SREK1: variants seen among roughly 807,000 people sequenced by gnomAD.
SREK1 encodes splicing regulatory glutamic acid and lysine rich protein 1.
SREK1 carries 13 observed loss-of-function variants against 66.5 expected under a neutral mutation model. That is an observed-to-expected ratio of 0.20 (90% CI 0.13 to 0.31). SREK1 has a LOEUF of 0.31. SREK1 is among the 10% of genes least tolerant of loss of function. SREK1 has a pLI of 1.00. For missense variants in SREK1, 607 were observed against 769.6 expected, an observed-to-expected ratio of 0.79 and a Z score of 2.50; for synonymous variants, 265 against 263.5, an observed-to-expected ratio of 1.01 and a Z score of -0.05.
chr5:66,177,462 AATAG>A (rs1167925818), intron 10 of SREK1, 48 bp from the exon 11 acceptor site: 5 of 1,387,374 alleles, frequency 3.6e-6, no homozygotes, highest in Non-Finnish European at 3.9e-6. Flanking sequence ...TCAAGAATAT[AATAG>A]ATCTTACAAT....
intron 1 of SREK1, 151 bp downstream of exon 1, chr5:66,144,688 G>C (rs550775078): frequency 2.2e-6 from 3 of 1,346,352 alleles, no homozygotes; most frequent in Admixed American, 2.9e-5. Context: ...TAGGGCACCC[G>C]GGTTCCGCCG....
In SREK1 at chr5:66,150,840, A is replaced by C. The variant is rs1041983515; in HGVS notation, c.162-2623A>C. The stretch of plus-strand genomic sequence containing the variant: ...TAACTTCAGATCTTTGTAGTTTGAC[A>C]ATTTTTTTTTTCTTTTTTGAGACAC... On this transcript the variant is annotated intron_variant, in intron 1 of 11. Transcript: ENST00000334121. 6.6e-5 allele frequency among the ~76,000 whole-genome samples: 10 copies of C among 151,942 alleles called. No individual in the cohort carries two copies. In the East Asian group the frequency reaches 1.7e-3, roughly 26 times the overall value.
At position 66,175,028 on chromosome 5, in the gene SREK1, C is replaced by G. The variant is rs755578426; in HGVS notation, c.1567C>G (p.Pro523Ala). 1 of 1,611,588 alleles carries G rather than the reference C, an allele frequency of 6.2e-7. No individual in the cohort carries two copies. The highest frequency in any genetic ancestry group is 8.5e-7 in the Non-Finnish European group (1 of 1,178,696). ...CATAAAAAGGAAATCTTCTAGATCTCCGTCCCCCAGGAGGTAGGTTGGGAG... is the reference window on the plus strand; with the variant it reads ...CATAAAAAGGAAATCTTCTAGATCTGCGTCCCCCAGGAGGTAGGTTGGGAG... ...KTIKRKSSRS[P>A]SPRSRNKKDK... is the part of the protein sequence containing the mutation. The change falls in exon 10 of 12, where the codon CCG (proline) becomes GCG (alanine). Residue 523 changes from proline (P) to alanine (A), a missense_variant. Around this residue, in one of 5 missense-constraint regions of SREK1, gnomAD observed 318 missense variants for 310.3 expected, o/e 1.02. Transcript: ENST00000334121.
Position 66,179,967 on chromosome 5 carries a change from T to TCA in SREK1, c.*1100_*1101dup, listed in dbSNP as rs1452214214. The TCA allele has an allele frequency of 6.6e-6, 1 of 152,572 alleles. No individual in the cohort carries two copies. Among genetic ancestry groups the TCA allele is most frequent in the African/African-American group, 2.4e-5 (1 of 41,448 alleles). The allele number at this position is 152,572 out of a possible 1,614,324, so 9.5% of individuals were successfully genotyped here. ...TTAGAGTCATGCAGCTTTGGGACCA[T>TCA]CAGTTTTATACTGTGATAATTGAAA... On this transcript the variant is annotated 3_prime_UTR_variant, in exon 12 of 12. Coordinates refer to ENST00000334121, the MANE Select transcript of SREK1 (RefSeq NM_001077199.3).
At chr5:66,154,018 G>T (rs1744074922) in intron 2 of SREK1, among the ~76,000 whole-genome samples, 1 of 152,070 alleles carries the variant, frequency 6.6e-6, no homozygotes. Flanking sequence ...GAAAATATTT[G>T]TAATTTATAC....
In SREK1 at chr5:66,159,353, C is replaced by T; in HGVS notation, c.411+19C>T. ...GACTACTGTAAGTACTATAAGCTGG[C>T]TTATGAAAGAGGTGAATGTTCAACT... On this transcript the variant is annotated intron_variant, in intron 3 of 11. Transcript: ENST00000334121. 1.3e-6 allele frequency: 2 copies of T among 1,577,496 alleles called. No homozygotes were observed. Among genetic ancestry groups the T allele is most frequent in the South Asian group, 2.3e-5 (2 of 85,220 alleles).
At chr5:66,177,470 T>C (rs770859100) in intron 10 of SREK1, 44 bp from the exon 11 acceptor site, 1 of 1,443,622 alleles carries the variant, frequency 6.9e-7, no homozygotes, top group South Asian at 1.3e-5. Flanking sequence ...ATAATAGATC[T>C]TACAATTTCT....
intron 9 of SREK1, among the ~76,000 whole-genome samples, chr5:66,172,634 G>T (rs1234670061): frequency 6.6e-6 from 1 of 152,072 alleles, no homozygotes; most frequent in Non-Finnish European, 1.5e-5. Context: ...GGCCTCAAGT[G>T]ATCTGCCCTC....
Position 66,179,340 on chromosome 5 carries a change from A to C in SREK1, c.*472A>C, listed in dbSNP as rs1040237483. 1.3e-5 allele frequency: 2 copies of C among 152,540 alleles called. No homozygotes were observed. 9.4% of individuals were successfully genotyped at this position (152,540 alleles called of 1,614,324 possible). ...GGTGCAAATATATACACACCCTTGT[A>C]AGTGCAAAGTATGTAAGAAGTTTTA... On this transcript the variant is annotated 3_prime_UTR_variant, in exon 12 of 12. Transcript: ENST00000334121.
Position 66,180,384 on chromosome 5 carries a change from G to C in SREK1, c.*1516G>C, listed in dbSNP as rs148786886. 6.6e-6 allele frequency: 1 copy of C among 152,646 alleles called. No individual in the cohort carries two copies. The highest frequency in any genetic ancestry group is 1.5e-5 in the Non-Finnish European group (1 of 67,986). The allele number at this position is 152,646 out of a possible 1,614,324, so 9.5% of individuals were successfully genotyped here. ...CAATCTAATACAATCAGATTACTCA[G>C]TTGCCTTACCTCATGGGAAGAGTTA... On this transcript the variant is annotated 3_prime_UTR_variant, in exon 12 of 12. Transcript: ENST00000334121.
At chr5:66,177,419 T>C (rs1746146743) in intron 10 of SREK1, 95 bp from the exon 11 acceptor site, 3 of 1,046,078 alleles carry the variant, frequency 2.9e-6, no homozygotes, top group Non-Finnish European at 4.0e-6. Flanking sequence ...AATGCATTAT[T>C]TTAGATATCC....
chr5:66,181,032 C>G lies in SREK1; in HGVS notation c.*2164C>G, dbSNP rs1171685302. 6.6e-6 allele frequency: 1 copy of G among 152,170 alleles called. No individual in the cohort carries two copies. The highest frequency in any genetic ancestry group is 6.5e-5 in the Admixed American group (1 of 15,268). 9.4% of individuals were successfully genotyped at this position (152,170 alleles called of 1,614,324 possible). A position where few individuals can be genotyped will look rare whatever the true frequency, so the allele number is the denominator to read the frequency against. ...TAAAGTATGAGTGTTTTCTTGTACT[C>G]TGGACCTATTACATGTTTCTTTATG... On this transcript the variant is annotated 3_prime_UTR_variant, in exon 12 of 12. Coordinates refer to ENST00000334121, the MANE Select transcript of SREK1 (RefSeq NM_001077199.3).
intron 1 of SREK1, among the ~76,000 whole-genome samples, chr5:66,149,587 G>T (rs964758740): frequency 1.3e-5 from 2 of 152,170 alleles, no homozygotes; most frequent in African/African-American, 4.8e-5. Flanking sequence ...TCAACTAGGG[G>T]TATTTGGAAA....
intron 1 of SREK1, among the ~76,000 whole-genome samples, chr5:66,148,139 T>G (rs1371308959): frequency 6.6e-6 from 1 of 152,006 alleles, no homozygotes; most frequent in African/African-American, 2.4e-5. Flanking sequence ...TGTTAGCAAC[T>G]TATAAGTAGT....
chr5:66,160,223 A>G (rs1025862815), intron 3 of SREK1, among the ~76,000 whole-genome samples: 24 of 152,212 alleles, frequency 1.6e-4, no homozygotes, highest in Admixed American at 1.4e-3. Context: ...TTTTTCTTCA[A>G]AAGACAACAT....
rs1746374745 is a variant in SREK1 at position 66,179,955 on chromosome 5, G to A, written c.*1087G>A. 6.6e-6 allele frequency: 1 copy of A among 152,552 alleles called. No individual in the cohort carries two copies. The highest frequency in any genetic ancestry group is 1.5e-5 in the Non-Finnish European group (1 of 67,984). 9.4% of individuals were successfully genotyped at this position (152,552 alleles called of 1,614,324 possible). A position where few individuals can be genotyped will look rare whatever the true frequency, so the allele number is the denominator to read the frequency against. On this transcript the variant is annotated 3_prime_UTR_variant, in exon 12 of 12. Coordinates refer to ENST00000334121, the MANE Select transcript of SREK1 (RefSeq NM_001077199.3). The stretch of plus-strand genomic sequence containing the variant: ...TCAAGAATGACATTAGAGTCATGCA[G>A]CTTTGGGACCATCAGTTTTATACTG...
intron 3 of SREK1, among the ~76,000 whole-genome samples, chr5:66,159,888 T>C (rs1199360045): frequency 1.3e-5 from 2 of 152,170 alleles, no homozygotes; most frequent in African/African-American, 4.8e-5. Context: ...CCCAGCACTT[T>C]GGGAGGCCGA....
chr5:66,149,075 C>T lies in SREK1; in HGVS notation c.162-4388C>T, dbSNP rs140201473. 5.1e-4 allele frequency among the ~76,000 whole-genome samples: 77 copies of T among 152,212 alleles called. 1 individual carries two copies. Among genetic ancestry groups the T allele is most frequent in the African/African-American group, 1.7e-3 (70 of 41,524 alleles). ...GGAAATGAAGATTAAGAAAATTGGC[C>T]GGGTGCAGTGGCCCACGCCTGTAAT... is the stretch of plus-strand genomic sequence containing the variant. On this transcript the variant is annotated intron_variant, in intron 1 of 11. Coordinates refer to ENST00000334121, the MANE Select transcript of SREK1 (RefSeq NM_001077199.3).
intron 2 of SREK1, chr5:66,156,867 GTTACTAGC>G (rs1744327458): frequency 1.0e-6 from 1 of 983,912 alleles, no homozygotes; most frequent in South Asian, 4.7e-5. Flanking sequence ...TTTTTCAGAG[GTTACTAGC>G]TTCTAAATGG....
Sources: gnomAD v4.1 joint callset for allele counts (sites outside exome capture counted in the v4.1 genomes callset) on GRCh38, gnomAD v4.1.1 for gene constraint, gnomAD v4.1.1 regional missense constraint, MANE v1.5 for transcripts, NCBI Gene and HGNC (gene_info 2026-07-23, HGNC 2026-07-21) for gene names.